Variants in ABCA1 observed in about 807,000 individuals in gnomAD.
The protein encoded by ABCA1 is phospholipid-transporting ATPase ABCA1.
Under a neutral mutation model 262.5 loss-of-function variants are expected in ABCA1, and 133 were observed. That is an observed-to-expected ratio of 0.51 (90% CI 0.44 to 0.59). The LOEUF is 0.59. ABCA1 is among the 20% of genes least tolerant of loss of function. The pLI is 0.00. For missense variants in ABCA1, 2,452 were observed against 2,777.5 expected, an observed-to-expected ratio of 0.88 and a Z score of 2.63; for synonymous variants, 1,022 against 1,043.5, an observed-to-expected ratio of 0.98 and a Z score of 0.40.
At chr9:104,788,643 C>T in intron 44 of ABCA1, 76 bp from the exon 45 acceptor site, 5 of 1,537,860 alleles carry the variant, frequency 3.3e-6, no homozygotes, top group Non-Finnish European at 4.5e-6. Context: ...CCTAATGTTC[C>T]TGTAAAGTAT....
At chr9:104,911,185 T>C (rs1841474770) in intron 1 of ABCA1, among the ~76,000 whole-genome samples, 1 of 152,212 alleles carries the variant, frequency 6.6e-6, no homozygotes, top group Non-Finnish European at 1.5e-5. Flanking sequence ...TGAAAATACA[T>C]TGGTGCCAAA....
chr9:104,800,360 C>T (rs750442680), intron 35 of ABCA1, 150 bp downstream of exon 35: 55 of 768,316 alleles, frequency 7.2e-5, no homozygotes, highest in Non-Finnish European at 1.0e-4. Context: ...AATCACTACA[C>T]TACACCGTAC....
chr9:104,845,406 G>T, intron 8 of ABCA1, 71 bp downstream of exon 8: 2 of 1,107,634 alleles, frequency 1.8e-6, no homozygotes, highest in Non-Finnish European at 2.8e-6. Flanking sequence ...AGGACCTCTT[G>T]CCAGACTCAG....
In ABCA1 at chr9:104,796,323, T is replaced by G. The variant is rs906853643; in HGVS notation, c.5223A>C (p.Leu1741=). 1.5e-5 allele frequency: 25 copies of G among 1,614,012 alleles called. No homozygotes were observed. The highest frequency in any genetic ancestry group is 2.1e-5 in the Non-Finnish European group (25 of 1,180,014). ...AGGTGACTTACCCATACAGCAAAAG[T>G]AGAAGGGCTAGCACAGGCAGATTGG... The part of the protein sequence containing the change: ...SSTNLPVLAL[L]LLLYGWSITP... Residue 1741 remains leucine (L), a synonymous_variant, in exon 38 of 50, where the codon CTA becomes CTC. Coordinates refer to ENST00000374736, the MANE Select transcript of ABCA1 (RefSeq NM_005502.4).
intron 7 of ABCA1, chr9:104,855,472 G>C: frequency 2.2e-6 from 1 of 464,228 alleles, no homozygotes; most frequent in Non-Finnish European, 3.5e-6. Context: ...AATATGCTGG[G>C]ATTACAACAG....
In ABCA1 at chr9:104,870,080, T is replaced by G. The variant is rs183739550; in HGVS notation, c.422-8280A>C. ...AATTCCCAAGAGAAACCAGGATATT[T>G]AGGCTTATGCTCCCTGAACCTTCCA... On this transcript the variant is annotated intron_variant, in intron 5 of 49. Transcript: ENST00000374736. Among the ~76,000 whole-genome samples, 423 of 152,340 alleles carry G rather than the reference T, an allele frequency of 2.8e-3. 3 individuals carry two copies. The highest frequency in any genetic ancestry group is 4.6e-3 in the Admixed American group (71 of 15,308).
intron 4 of ABCA1, among the ~76,000 whole-genome samples, chr9:104,883,510 C>T (rs1838875646): frequency 6.6e-6 from 1 of 152,184 alleles, no homozygotes; most frequent in African/African-American, 2.4e-5. Flanking sequence ...GCCTGGGATA[C>T]TCTTAAGGGC....
rs183293176 is a variant in ABCA1 at position 104,832,642 on chromosome 9, C to G, written c.1441G>C (p.Val481Leu). 6.2e-7 allele frequency: 1 copy of G among 1,614,174 alleles called. No individual in the cohort carries two copies. Among genetic ancestry groups the G allele is most frequent in the South Asian group, 1.1e-5 (1 of 91,078 alleles). Residue 481 changes from valine to leucine, a missense_variant, in exon 12 of 50, where the codon GTG (valine) becomes CTG (leucine). This residue lies in a region of ABCA1 where 1,032 missense variants were observed against 1,089.7 expected (regional missense o/e 0.95). Transcript: ENST00000374736. Reference protein sequence around the residue: ...PEDVQSSNGSVYTWREAFNET... With the variant: ...PEDVQSSNGSLYTWREAFNET... ...TTGAAAGCTTCTCTCCAGGTGTACACAGAACCATTACTGGACTGGACATCC... is the reference window on the plus strand; with the variant it reads ...TTGAAAGCTTCTCTCCAGGTGTACAGAGAACCATTACTGGACTGGACATCC...
At position 104,822,686 on chromosome 9, in the gene ABCA1, C is replaced by G; in HGVS notation, c.2657-19G>C. 6.2e-7 allele frequency: 1 copy of G among 1,613,602 alleles called. No homozygotes were observed. ...ATGCAGACTGTGACAGGAGAGAAGA[C>G]AGAAATGAACCCACAGAAAGCACTG... is the stretch of plus-strand genomic sequence containing the variant. On this transcript the variant is annotated intron_variant, in intron 18 of 49. Coordinates refer to ENST00000374736, the MANE Select transcript of ABCA1 (RefSeq NM_005502.4).
At chr9:104,798,826 G>A (rs570416683) in intron 36 of ABCA1, among the ~76,000 whole-genome samples, 1 of 152,192 alleles carries the variant, frequency 6.6e-6, no homozygotes, top group East Asian at 1.9e-4. Context: ...GTATTACTGA[G>A]GTCAAAAGAG....
intron 2 of ABCA1, among the ~76,000 whole-genome samples, chr9:104,890,711 C>T (rs1181601561): frequency 6.6e-6 from 1 of 151,954 alleles, no homozygotes; most frequent in Admixed American, 6.6e-5. Context: ...TGATCCTCTC[C>T]CCTAGGGCTC....
intron 24 of ABCA1, among the ~76,000 whole-genome samples, chr9:104,816,586 G>C (rs1329072329): frequency 6.8e-6 from 1 of 147,794 alleles, no homozygotes; most frequent in East Asian, 2.0e-4. Context: ...GTGTAGAATG[G>C]GTGGACAGCT....
At chr9:104,805,592 G>A (rs1002006721) in intron 31 of ABCA1, among the ~76,000 whole-genome samples, 1 of 152,172 alleles carries the variant, frequency 6.6e-6, no homozygotes, top group Non-Finnish European at 1.5e-5. Flanking sequence ...AGATCCACAG[G>A]AGTTTTCTGG....
chr9:104,792,031 C>T (rs757585411), intron 42 of ABCA1, 33 bp from the exon 43 acceptor site: 2 of 1,597,102 alleles, frequency 1.3e-6, no homozygotes, highest in Non-Finnish European at 8.5e-7. Context: ...ATTCATAAGC[C>T]TCAGTGACTC....
chr9:104,901,620 G>A (rs1468955708), intron 2 of ABCA1, among the ~76,000 whole-genome samples: 1 of 152,170 alleles, frequency 6.6e-6, no homozygotes, highest in Non-Finnish European at 1.5e-5. Context: ...AACCACGGGA[G>A]GCAGGGAGAA....
In ABCA1 at chr9:104,861,735, A is replaced by G. The variant is rs768608473; in HGVS notation, c.487T>C (p.Ser163Pro). The G allele has an allele frequency of 6.2e-7, 1 of 1,613,920 alleles. No homozygotes were observed. ...TTGTCCACAGTAGACTTTGGGAGAG[A>G]GAGGTTGTGATACAGGAACCCAGAG... ...TFSGFLYHNL[S>P]LPKSTVDKML... The change falls in exon 6 of 50, where the codon TCT (serine) becomes CCT (proline). Residue 163 changes from serine to proline, a missense_variant. Ser to Pro is a moderately conservative substitution (Grantham distance 74). Transcript: ENST00000374736.
intron 8 of ABCA1, among the ~76,000 whole-genome samples, chr9:104,844,781 G>A (rs1215593317): frequency 1.3e-5 from 2 of 152,190 alleles, no homozygotes; most frequent in Admixed American, 6.5e-5. Flanking sequence ...TTCCTATGCT[G>A]GGGGACACCA....
intron 18 of ABCA1, among the ~76,000 whole-genome samples, chr9:104,823,651 A>AAGAT (rs998875341): frequency 3.9e-5 from 6 of 152,132 alleles, no homozygotes; most frequent in African/African-American, 1.4e-4. Context: ...AGGAGTTGAG[A>AAGAT]AGATAGGCAA....
rs1318127721 is a variant in ABCA1 at position 104,828,909 on chromosome 9, G to T, written c.2115+7C>A. On this transcript the variant is annotated splice_region_variant and intron_variant, in intron 15 of 49. Coordinates refer to ENST00000374736, the MANE Select transcript of ABCA1 (RefSeq NM_005502.4). ...CTGGCAGGGAAGAGCGAGTGAGGCT[G>T]CCTTACCTTCAGGATGACCACTAGC... 6.2e-7 allele frequency: 1 copy of T among 1,613,636 alleles called. No homozygotes were observed. Among genetic ancestry groups the T allele is most frequent in the East Asian group, 2.2e-5 (1 of 44,882 alleles).
Sources: gnomAD v4.1 joint callset for allele counts (sites outside exome capture counted in the v4.1 genomes callset) on GRCh38, gnomAD v4.1.1 for gene constraint, gnomAD v4.1.1 regional missense constraint, MANE v1.5 for transcripts, NCBI Gene and HGNC (gene_info 2026-07-23, HGNC 2026-07-21) for gene names.